Variants in PHTF2 observed in about 807,000 individuals in gnomAD.
PHTF2 encodes protein PHTF2.
PHTF2 carries 60 observed loss-of-function variants against 101.2 expected under a neutral mutation model. The observed-to-expected ratio is 0.59, with a 90% CI of 0.48 to 0.73. PHTF2 has a LOEUF of 0.73. Among genes scored for constraint, PHTF2 ranks in the 30% least tolerant of loss-of-function variants. The pLI, the probability that PHTF2 is intolerant of heterozygous loss-of-function variation, is 0.00. For synonymous variants in PHTF2, 311 were observed against 307.3 expected (o/e 1.01, Z -0.13); for missense variants, 747 against 908.7 (o/e 0.82, Z 2.29).
At chr7:77,800,485 A>G (rs547737060) in intron 1 of PHTF2, among the ~76,000 whole-genome samples, 1 of 152,318 alleles carries the variant, frequency 6.6e-6, no homozygotes, top group South Asian at 2.1e-4. Context: ...GTGGAGCATG[A>G]AAATGTGGTG....
At chr7:77,933,062 C>T (rs12705113) in intron 12 of PHTF2, among the ~76,000 whole-genome samples, 3,066 of 152,042 alleles carry the variant, frequency 0.02, 46 homozygotes, top group Middle Eastern at 0.041. Context: ...CACGGTGAAA[C>T]CCCATCTCTA....
intron 14 of PHTF2, 53 bp from the exon 14 acceptor site, chr7:77,940,475 G>T (rs1805552477): frequency 4.1e-6 from 6 of 1,452,822 alleles, no homozygotes; most frequent in South Asian, 2.7e-5. Flanking sequence ...TGTTAATTTT[G>T]TTTTTCTGTG....
intron 3 of PHTF2, among the ~76,000 whole-genome samples, chr7:77,888,902 C>A: frequency 1.3e-5 from 2 of 151,466 alleles, no homozygotes. Context: ...TAATATAAAG[C>A]AGAAGGGGAA....
At chr7:77,849,907 G>T (rs1181791411) in intron 2 of PHTF2, among the ~76,000 whole-genome samples, 1 of 152,152 alleles carries the variant, frequency 6.6e-6, no homozygotes, top group African/African-American at 2.4e-5. Flanking sequence ...GATTTTTGGT[G>T]CAGTCTTTAG....
chr7:77,918,933 C>G (rs1297024914), intron 9 of PHTF2, among the ~76,000 whole-genome samples: 1 of 152,086 alleles, frequency 6.6e-6, no homozygotes, highest in Non-Finnish European at 1.5e-5. Context: ...TCTTTCTGCC[C>G]CTTTAGGAAC....
intron 1 of PHTF2, among the ~76,000 whole-genome samples, chr7:77,836,161 T>TA (rs562955596): frequency 3.2e-5 from 4 of 124,480 alleles, no homozygotes; most frequent in Non-Finnish European, 6.9e-5. Flanking sequence ...GAAGAGAAAA[T>TA]ACATTTACTA....
In PHTF2 at chr7:77,816,849, G is replaced by A. The variant is rs529017278; in HGVS notation, c.-36+17878G>A. Among the ~76,000 whole-genome samples, 7 of 152,064 alleles carry A rather than the reference G, an allele frequency of 4.6e-5. No homozygotes were observed. The South Asian group carries it at 1.5e-3, about 32-fold the overall frequency. On this transcript the variant is annotated intron_variant, in intron 1 of 19. Transcript: ENST00000416283. ...TAACTTTCTGTTCCTGGCTTTTTTC[G>A]CTTAACATGATGTCCTCCAGTTCCA...
intron 8 of PHTF2, chr7:77,909,527 G>GC (rs1562939095): frequency 6.6e-6 from 1 of 151,574 alleles, no homozygotes; most frequent in Non-Finnish European, 1.5e-5. Context: ...CACCTGACTA[G>GC]TTTTTTTATT....
intron 1 of PHTF2, among the ~76,000 whole-genome samples, chr7:77,801,747 CTCTT>C (rs1357567437): frequency 6.6e-6 from 1 of 152,160 alleles, no homozygotes; most frequent in Non-Finnish European, 1.5e-5. Context: ...TCTAAGATAT[CTCTT>C]TATGTATATG....
At chr7:77,913,032 G>A (rs1320548069) in intron 9 of PHTF2, among the ~76,000 whole-genome samples, 4 of 151,822 alleles carry the variant, frequency 2.6e-5, no homozygotes, top group Non-Finnish European at 4.4e-5. Flanking sequence ...TGAAAAATTG[G>A]GAATTACTTT....
chr7:77,956,774 A>G (rs1439120238), exon 20 of PHTF2: 1 of 152,606 alleles, frequency 6.6e-6, no homozygotes, highest in African/African-American at 2.4e-5. Flanking sequence ...AGATGAAACT[A>G]TTGTATCTCA....
chr7:77,940,072 A>G (rs766340315), exon 14 of PHTF2: 1 of 1,613,342 alleles, frequency 6.2e-7, no homozygotes, highest in African/African-American at 1.3e-5. Context: ...GATTTTTGGA[A>G]ATGCAGTCTC....
intron 2 of PHTF2, among the ~76,000 whole-genome samples, chr7:77,848,738 G>T (rs867014680): frequency 6.6e-6 from 1 of 152,030 alleles, no homozygotes; most frequent in Non-Finnish European, 1.5e-5. Flanking sequence ...TTTTTACTTT[G>T]GTTGCCTGTG....
intron 3 of PHTF2, among the ~76,000 whole-genome samples, chr7:77,883,386 T>G (rs1799569029): frequency 6.6e-6 from 1 of 152,144 alleles, no homozygotes; most frequent in South Asian, 2.1e-4. Flanking sequence ...CCACATAATT[T>G]TGGGGATTAT....
intron 3 of PHTF2, among the ~76,000 whole-genome samples, chr7:77,865,265 G>A (rs565724551): frequency 1.3e-5 from 2 of 151,198 alleles, no homozygotes; most frequent in African/African-American, 4.9e-5. Flanking sequence ...TCGCTCTGTT[G>A]CCCAGGCTGG....
intron 2 of PHTF2, among the ~76,000 whole-genome samples, chr7:77,847,310 A>T (rs985808174): frequency 6.6e-6 from 1 of 152,168 alleles, no homozygotes; most frequent in Non-Finnish European, 1.5e-5. Context: ...CGCTTATTAC[A>T]TTTTCACTTT....
At chr7:77,948,973 A>T (rs1196392371) in intron 16 of PHTF2, among the ~76,000 whole-genome samples, 1 of 152,232 alleles carries the variant, frequency 6.6e-6, no homozygotes, top group Non-Finnish European at 1.5e-5. Flanking sequence ...AAGGAAACAC[A>T]TACAAGAATG....
chr7:77,874,058 C>T lies in PHTF2; in HGVS notation c.147+19224C>T, dbSNP rs957760781. ...TTTGTCCACTGAACTTAGGAGCAACCAACCAACTTCATTATGTTCCTTGGT... is the reference window on the plus strand; with the variant it reads ...TTTGTCCACTGAACTTAGGAGCAACTAACCAACTTCATTATGTTCCTTGGT... On this transcript the variant is annotated intron_variant, in intron 3 of 19. Coordinates refer to ENST00000416283, the Ensembl canonical transcript of PHTF2. 4.6e-5 allele frequency among the ~76,000 whole-genome samples: 7 copies of T among 152,288 alleles called. No individual in the cohort carries two copies. In the South Asian group the frequency reaches 1.5e-3, roughly 32 times the overall value.
intron 12 of PHTF2, among the ~76,000 whole-genome samples, chr7:77,931,868 A>G (rs1377672918): frequency 6.6e-6 from 1 of 152,244 alleles, no homozygotes; most frequent in Non-Finnish European, 1.5e-5. Flanking sequence ...ATCAACATGA[A>G]TAAGTTTTTG....
Sources: gnomAD v4.1 joint callset for allele counts (sites outside exome capture counted in the v4.1 genomes callset) on GRCh38, gnomAD v4.1.1 for gene constraint, MANE v1.5 for transcripts, NCBI Gene and HGNC (gene_info 2026-07-23, HGNC 2026-07-21) for gene names.